The following NR1H4 variants were observed in gnomAD, a reference collection of about 807,000 sequenced individuals.
NR1H4 encodes bile acid receptor.
In NR1H4, 23 loss-of-function variants were observed where a neutral mutation model predicts 58.5. The observed-to-expected ratio is 0.39, with a 90% CI of 0.28 to 0.56. NR1H4 has a LOEUF of 0.56. Among genes scored for constraint, NR1H4 ranks in the 20% least tolerant of loss-of-function variants. NR1H4 has a pLI of 0.58. For missense variants in NR1H4, 487 were observed against 576.9 expected (o/e 0.84, Z 1.60); for synonymous variants, 214 against 198.0 (o/e 1.08, Z -0.68).
At chr12:100,520,462 C>G (rs960599596) in intron 4 of NR1H4, among the ~76,000 whole-genome samples, 2 of 152,086 alleles carry the variant, frequency 1.3e-5, no homozygotes, top group Non-Finnish European at 2.9e-5. Context: ...GGTTGCTTTT[C>G]TGCCAAAATC....
intron 3 of NR1H4, chr12:100,505,455 C>T (rs1953937079): frequency 5.9e-6 from 3 of 509,428 alleles, no homozygotes. Flanking sequence ...TAGTGGCTAC[C>T]ATATTGGTAG....
Position 100,563,533 on chromosome 12 carries a change from A to G in NR1H4, c.*44A>G. 1 of 1,397,736 alleles carries G rather than the reference A, an allele frequency of 7.2e-7. No individual in the cohort carries two copies. Among genetic ancestry groups the G allele is most frequent in the African/African-American group, 1.4e-5 (1 of 70,750 alleles). 86.6% of individuals were successfully genotyped at this position (1,397,736 alleles called of 1,614,324 possible). Reference sequence around the variant, plus strand: ...GGTCTAGCTCCTTTTTCTCTCTCATATTAATCTGATGTATAACTTTCCTTT... The same window carrying G: ...GGTCTAGCTCCTTTTTCTCTCTCATGTTAATCTGATGTATAACTTTCCTTT... On this transcript the variant is annotated 3_prime_UTR_variant, in exon 11 of 11. Transcript: ENST00000392986.
At chr12:100,539,060 A>G (rs1230484936) in intron 8 of NR1H4, among the ~76,000 whole-genome samples, 2 of 152,334 alleles carry the variant, frequency 1.3e-5, no homozygotes, top group East Asian at 3.9e-4. Flanking sequence ...AAATAATTGA[A>G]GACAAATAAA....
intron 4 of NR1H4, among the ~76,000 whole-genome samples, chr12:100,512,438 G>A (rs1954144357): frequency 6.6e-6 from 1 of 152,088 alleles, no homozygotes; most frequent in African/African-American, 2.4e-5. Flanking sequence ...TCAGGAGAAT[G>A]AGACCATCTG....
intron 3 of NR1H4, among the ~76,000 whole-genome samples, chr12:100,498,169 C>G (rs776130299): frequency 4.6e-5 from 7 of 152,316 alleles, no homozygotes; most frequent in Middle Eastern, 3.4e-3. Context: ...GGAAAGCGCT[C>G]TGTAAGCTGC....
intron 4 of NR1H4, among the ~76,000 whole-genome samples, chr12:100,521,602 ATGAG>A (rs1655934167): frequency 6.6e-6 from 1 of 152,166 alleles, no homozygotes; most frequent in Non-Finnish European, 1.5e-5. Context: ...GTCTGAGTAA[ATGAG>A]TGACCCTACT....
intron 4 of NR1H4, among the ~76,000 whole-genome samples, chr12:100,515,043 T>C (rs896442086): frequency 2.6e-5 from 4 of 152,088 alleles, no homozygotes; most frequent in South Asian, 2.1e-4. Context: ...AATTCTCCAC[T>C]GCTTTTCTCT....
intron 3 of NR1H4, among the ~76,000 whole-genome samples, chr12:100,497,547 G>A (rs1170480344): frequency 1.3e-5 from 2 of 152,162 alleles, no homozygotes; most frequent in Non-Finnish European, 2.9e-5. Context: ...AGACATCCCT[G>A]ACAAATCCAG....
intron 1 of NR1H4, among the ~76,000 whole-genome samples, chr12:100,482,145 C>T (rs2136075179): frequency 6.6e-6 from 1 of 152,148 alleles, no homozygotes; most frequent in African/African-American, 2.4e-5. Context: ...CAAAACAAAA[C>T]AATTTCCTGG....
At chr12:100,476,890 A>AT (rs1038429797) in intron 1 of NR1H4, among the ~76,000 whole-genome samples, 3 of 151,886 alleles carry the variant, frequency 2.0e-5, no homozygotes, top group East Asian at 1.9e-4. Flanking sequence ...CCACCTCAAA[A>AT]TTTTTTTTAA....
intron 1 of NR1H4, among the ~76,000 whole-genome samples, chr12:100,491,231 C>T (rs771043898): frequency 7.9e-5 from 12 of 152,008 alleles, no homozygotes; most frequent in Non-Finnish European, 4.4e-5. Context: ...TCTGGCTGTT[C>T]CTTCCACTCC....
chr12:100,526,193 AT>A (rs5800410), intron 4 of NR1H4, among the ~76,000 whole-genome samples: 113 of 143,994 alleles, frequency 7.8e-4, no homozygotes, highest in Non-Finnish European at 1.3e-3. Flanking sequence ...AATTTTAAGT[AT>A]TTTTTTTTTT....
chr12:100,510,877 A>C lies in NR1H4; in HGVS notation c.179A>C (p.Gln60Pro). Reference protein sequence around the residue: ...SNVQFPQVQPQISSSSYYSNL... With the variant: ...SNVQFPQVQPPISSSSYYSNL... ...GTTCAGTTTCCCCAAGTTCAACCAC[A>C]GATTTCCTCGTCATCCTATTATTCC... Residue 60 changes from glutamine to proline, a missense_variant, in exon 4 of 11, where the codon CAG becomes CCG. Transcript: ENST00000392986. The C allele has an allele frequency of 6.2e-7, 1 of 1,614,178 alleles. No individual in the cohort carries two copies. Among genetic ancestry groups the C allele is most frequent in the Non-Finnish European group, 8.5e-7 (1 of 1,180,032 alleles).
chr12:100,480,567 T>C (rs1232799999), intron 1 of NR1H4, among the ~76,000 whole-genome samples: 1 of 152,180 alleles, frequency 6.6e-6, no homozygotes, highest in African/African-American at 2.4e-5. Flanking sequence ...GTTCTTCCAG[T>C]TTCCACTAAC....
intron 4 of NR1H4, among the ~76,000 whole-genome samples, chr12:100,511,740 G>A (rs1419765947): frequency 1.5e-4 from 23 of 151,868 alleles, no homozygotes; most frequent in African/African-American, 4.4e-4. Context: ...TGGCCAACAC[G>A]GTGAAATCTC....
In NR1H4 at chr12:100,563,388, T is replaced by C. The variant is rs1955518083; in HGVS notation, c.1330T>C (p.Leu444=). 6.2e-7 allele frequency: 1 copy of C among 1,614,102 alleles called. No homozygotes were observed. The highest frequency in any genetic ancestry group is 8.5e-7 in the Non-Finnish European group (1 of 1,180,028). ...CTGTCTCCTGGGTCGCCTGACTGAA[T>C]TACGGACATTCAATCATCACCACGC... ...FACLLGRLTE[L]RTFNHHHAEM... is the part of the protein sequence containing the mutation. Residue 444 remains leucine (L), a synonymous_variant, in exon 11 of 11, where the codon TTA becomes CTA. Coordinates refer to ENST00000392986, the MANE Select transcript of NR1H4 (RefSeq NM_001206979.2).
chr12:100,526,788 C>T (rs77269426), intron 4 of NR1H4, among the ~76,000 whole-genome samples: 1 of 152,148 alleles, frequency 6.6e-6, no homozygotes, highest in Non-Finnish European at 1.5e-5. Context: ...CTCACAGAAC[C>T]TCCCAGACTC....
intron 8 of NR1H4, among the ~76,000 whole-genome samples, 157 bp downstream of exon 8, chr12:100,537,204 A>G (rs112490945): frequency 6.6e-6 from 1 of 152,294 alleles, no homozygotes; most frequent in East Asian, 1.9e-4. Flanking sequence ...TTTCACATGT[A>G]CTTATTTCAC....
At chr12:100,523,599 T>C (rs918716293) in intron 4 of NR1H4, among the ~76,000 whole-genome samples, 2 of 152,188 alleles carry the variant, frequency 1.3e-5, no homozygotes, top group African/African-American at 4.8e-5. Context: ...TTGTTGCATT[T>C]GTTTTTGGGG....
Sources: gnomAD v4.1 joint callset for allele counts (sites outside exome capture counted in the v4.1 genomes callset) on GRCh38, gnomAD v4.1.1 for gene constraint, MANE v1.5 for transcripts, NCBI Gene and HGNC (gene_info 2026-07-23, HGNC 2026-07-21) for gene names.